The following QTMAN variants were observed in gnomAD, a reference collection of about 807,000 sequenced individuals.
QTMAN encodes tRNA-queuosine alpha-mannosyltransferase.
At chr2:143,987,593 A>G in the QTMAN span, among the ~76,000 whole-genome samples, 1 of 152,206 alleles carries the variant, frequency 6.6e-6, no homozygotes, top group Non-Finnish European at 1.5e-5. Context: ...AGTTATATCA[A>G]TACATGTGTA....
chr2:143,978,493 TAC>T, the QTMAN span, among the ~76,000 whole-genome samples: 1 of 152,226 alleles, frequency 6.6e-6, no homozygotes, highest in Non-Finnish European at 1.5e-5. Context: ...CTGGATATTG[TAC>T]ACAGTCATTT....
chr2:143,993,004 T>C, the QTMAN span, among the ~76,000 whole-genome samples: 1 of 152,216 alleles, frequency 6.6e-6, no homozygotes, highest in African/African-American at 2.4e-5. Flanking sequence ...TTATGCATGG[T>C]AGATACCTGC....
At chr2:144,242,960 TAA>T in the QTMAN span, among the ~76,000 whole-genome samples, 1,294 of 77,692 alleles carry the variant, frequency 0.017, 10 homozygotes, top group Non-Finnish European at 0.022. Flanking sequence ...AGACTCTACT[TAA>T]AAAAAAAAAA....
chr2:144,250,123 G>A, the QTMAN span, among the ~76,000 whole-genome samples: 1 of 133,986 alleles, frequency 7.5e-6, no homozygotes, highest in Non-Finnish European at 1.6e-5. Context: ...TGGTTTTTGT[G>A]TTTTTTTTTT....
At chr2:144,161,894 T>C in the QTMAN span, among the ~76,000 whole-genome samples, 2 of 152,360 alleles carry the variant, frequency 1.3e-5, no homozygotes, top group African/African-American at 2.4e-5. Context: ...ATTCTATTTA[T>C]GCAACTACAG....
chr2:144,203,329 G>C, the QTMAN span, among the ~76,000 whole-genome samples: 23 of 152,210 alleles, frequency 1.5e-4, no homozygotes, highest in South Asian at 4.8e-3. Context: ...GTAGATTTGT[G>C]GTCAGCTACA....
chr2:144,133,455 TA>T, the QTMAN span, among the ~76,000 whole-genome samples: 2 of 42,052 alleles, frequency 4.8e-5, no homozygotes, highest in African/African-American at 3.0e-4. Flanking sequence ...ATATAATATA[TA>T]ATATATATTA....
chr2:144,295,089 A>T, the QTMAN span, among the ~76,000 whole-genome samples: 1 of 152,252 alleles, frequency 6.6e-6, no homozygotes, highest in Non-Finnish European at 1.5e-5. Context: ...GCATCTATAA[A>T]GAATGAAGTT....
chr2:144,332,729 C>T, the QTMAN span, among the ~76,000 whole-genome samples: 3 of 152,060 alleles, frequency 2.0e-5, no homozygotes, highest in Admixed American at 1.3e-4. Context: ...GGGCTCGGCT[C>T]CTCGCACCTG....
the QTMAN span, among the ~76,000 whole-genome samples, chr2:143,993,498 T>C: frequency 1.4e-4 from 21 of 151,704 alleles, no homozygotes; most frequent in African/African-American, 4.4e-4. Context: ...CTCAATCCAA[T>C]TGCATGTATT....
At chr2:143,994,969 T>A in the QTMAN span, among the ~76,000 whole-genome samples, 1 of 152,198 alleles carries the variant, frequency 6.6e-6, no homozygotes, top group Non-Finnish European at 1.5e-5. Flanking sequence ...AAGTGCTTTT[T>A]ACCAAATCAT....
chr2:144,019,435 GGT>G, the QTMAN span, among the ~76,000 whole-genome samples: 6,678 of 117,094 alleles, frequency 0.057, 200 homozygotes, highest in African/African-American at 0.09. Flanking sequence ...TAAGCATGCA[GGT>G]GTGTGTGTGT....
At chr2:144,285,259 A>ACTT in the QTMAN span, among the ~76,000 whole-genome samples, 1 of 152,122 alleles carries the variant, frequency 6.6e-6, no homozygotes, top group Admixed American at 6.5e-5. Context: ...ATTTGGTCTA[A>ACTT]CTTCTAAGTA....
At chr2:144,328,360 C>G in the QTMAN span, among the ~76,000 whole-genome samples, 3 of 152,198 alleles carry the variant, frequency 2.0e-5, no homozygotes, top group Non-Finnish European at 2.9e-5. Flanking sequence ...TTGTCTGATT[C>G]TATATCCTAA....
the QTMAN span, among the ~76,000 whole-genome samples, chr2:144,227,647 C>A: frequency 6.6e-6 from 1 of 152,084 alleles, no homozygotes; most frequent in Admixed American, 6.6e-5. Context: ...GGAAACATAA[C>A]AATACCAACA....
chr2:144,293,358 G>A, the QTMAN span, among the ~76,000 whole-genome samples: 1 of 152,168 alleles, frequency 6.6e-6, no homozygotes, highest in South Asian at 2.1e-4. Flanking sequence ...TTCCTTGATT[G>A]GAAAAGCTCT....
the QTMAN span, among the ~76,000 whole-genome samples, chr2:144,193,358 T>A: frequency 6.7e-6 from 1 of 150,132 alleles, no homozygotes; most frequent in South Asian, 2.1e-4. Flanking sequence ...TAAAATGACA[T>A]AAAATGACCC....
At chr2:144,028,600 C>T in the QTMAN span, among the ~76,000 whole-genome samples, 6 of 152,050 alleles carry the variant, frequency 3.9e-5, no homozygotes, top group East Asian at 3.9e-4. Context: ...TTGATGAGAC[C>T]ACGCTTCCAC....
At chr2:144,077,338 A>G in the QTMAN span, among the ~76,000 whole-genome samples, 1 of 152,228 alleles carries the variant, frequency 6.6e-6, no homozygotes, top group Admixed American at 6.5e-5. Context: ...AGTTAGATAG[A>G]CCCAAATCAA....
Sources: allele counts gnomAD v4.1 joint callset (sites outside exome capture counted in the v4.1 genomes callset), GRCh38; gene constraint gnomAD v4.1.1; transcripts MANE v1.5; gene names NCBI Gene and HGNC (gene_info 2026-07-23, HGNC 2026-07-21).